The following UBE2E1 variants were observed in gnomAD, a reference collection of about 807,000 sequenced individuals.
UBE2E1 encodes the protein ubiquitin conjugating enzyme E2 E1.
UBE2E1 carries 6 observed loss-of-function variants against 21.4 expected under a neutral mutation model. That is an observed-to-expected ratio of 0.28 (90% CI 0.15 to 0.55). UBE2E1 has a LOEUF of 0.55. Among genes scored for constraint, UBE2E1 ranks in the 20% least tolerant of loss-of-function variants. The probability of loss-of-function intolerance (pLI) is 0.93; values close to 1 mark genes in which losing one functional copy is unlikely to be tolerated. For synonymous variants in UBE2E1, 87 were observed against 82.7 expected (o/e 1.05, Z -0.28); for missense variants, 142 against 236.5 (o/e 0.60, Z 2.62).
At position 23,876,220 on chromosome 3, in the gene UBE2E1, C is replaced by T. The variant is rs183314499; in HGVS notation, c.204-11347C>T. On this transcript the variant is annotated intron_variant, in intron 3 of 5. Transcript: ENST00000306627. This position sits in a 1 kb window ranked among gnomAD's most constrained non-coding sequence, Gnocchi z 4.3. ...CCTCTTCCTTTCCTCTTCCCCTCAC[C>T]TTAGGTGAGGAAGCCTTCTAACTTA... Among the ~76,000 whole-genome samples, 5 of 152,286 alleles carry T rather than the reference C, an allele frequency of 3.3e-5. No homozygotes were observed. The highest frequency in any genetic ancestry group is 3.3e-4 in the Admixed American group (5 of 15,276).
chr3:23,806,868 C>T lies in UBE2E1; in HGVS notation c.-33-369C>T, dbSNP rs576342260. The T allele has an allele frequency of 1.4e-3, 220 of 160,276 alleles. 1 individual carries two copies. The highest frequency in any genetic ancestry group is 5.1e-3 in the African/African-American group (211 of 41,746). 9.9% of individuals were successfully genotyped at this position (160,276 alleles called of 1,614,324 possible). A position where few individuals can be genotyped will look rare whatever the true frequency, so the allele number is the denominator to read the frequency against. On this transcript the variant is annotated intron_variant, in intron 1 of 5. Coordinates refer to ENST00000306627, the MANE Select transcript of UBE2E1 (RefSeq NM_003341.5). The surrounding 1 kb of genome is among the most constrained non-coding windows in gnomAD (Gnocchi z 6.5). ...CCCGGAAAGCGGACAAAAACAGCCC[C>T]GAGGCCGGCCGGCCGCCGGGACCTT...
rs781155886 is a variant in UBE2E1 at position 23,807,356 on chromosome 3, CAAG to C, written c.94_96del (p.Lys32del). The C allele has an allele frequency of 3.3e-5, 53 of 1,613,816 alleles. No homozygotes were observed. Among genetic ancestry groups the C allele is most frequent in the Non-Finnish European group, 3.8e-5 (45 of 1,179,962 alleles). On this transcript the variant is annotated inframe_deletion, in exon 2 of 6. Transcript: ENST00000306627. ...AAACCGAGAAAGAAACAAACACCCC[CAAG>C]AAGAAGGAGAGTAAAGTCAGCATGA...
rs756849789 is a variant in UBE2E1 at position 23,826,298 on chromosome 3, G to A, written c.203+14788G>A. 3.9e-5 allele frequency among the ~76,000 whole-genome samples: 6 copies of A among 152,202 alleles called. No individual in the cohort carries two copies. The South Asian group carries it at 6.2e-4, about 16-fold the overall frequency. On this transcript the variant is annotated intron_variant, in intron 3 of 5. Coordinates refer to ENST00000306627, the MANE Select transcript of UBE2E1 (RefSeq NM_003341.5). ...ATAGCATTACTCAGCTGGTCTTGAC[G>A]TAAAGGTTGGATGAAGTGTGAATGT...
chr3:23,831,638 C>G (rs1006679465), intron 3 of UBE2E1, among the ~76,000 whole-genome samples: 2 of 150,736 alleles, frequency 1.3e-5, no homozygotes, highest in Non-Finnish European at 2.9e-5. Context: ...CCCACCTTAG[C>G]CTCCTAAGTA....
chr3:23,889,550 T>C, intron 5 of UBE2E1: 2 of 1,384,206 alleles, frequency 1.4e-6, no homozygotes, highest in Non-Finnish European at 1.9e-6. Context: ...TGTTGCTTAA[T>C]TTCCCATAGA....
chr3:23,810,504 T>A lies in UBE2E1; in HGVS notation c.153-956T>A. 6.5e-7 allele frequency: 1 copy of A among 1,535,254 alleles called. No individual in the cohort carries two copies. The highest frequency in any genetic ancestry group is 8.7e-7 in the Non-Finnish European group (1 of 1,146,474). On this transcript the variant is annotated intron_variant, in intron 2 of 5. Coordinates refer to ENST00000306627, the MANE Select transcript of UBE2E1 (RefSeq NM_003341.5). The surrounding 1 kb of genome is among the most constrained non-coding windows in gnomAD (Gnocchi z 5.8). The stretch of plus-strand genomic sequence containing the variant: ...AAGGAAGTGGGCAGACCCCGGGAAG[T>A]TAGAGGACGCCCGGGGAAAAGCAGG...
At chr3:23,884,512 T>C (rs1701131270) in intron 3 of UBE2E1, among the ~76,000 whole-genome samples, 1 of 152,232 alleles carries the variant, frequency 6.6e-6, no homozygotes, top group African/African-American at 2.4e-5. Flanking sequence ...ATCGATTATT[T>C]TGATGCACAG....
At position 23,890,603 on chromosome 3, in the gene UBE2E1, A is replaced by C. The variant is rs1334403624; in HGVS notation, c.579A>C (p.Thr193=). 1 of 1,612,914 alleles carries C rather than the reference A, an allele frequency of 6.2e-7. No homozygotes were observed. The highest frequency in any genetic ancestry group is 8.5e-7 in the Non-Finnish European group (1 of 1,179,536). The change falls in exon 6 of 6, where the codon ACA becomes ACC. Residue 193 remains threonine (T), a synonymous_variant. Transcript: ENST00000306627. The part of the protein sequence containing the change: ...MARQWTKRYA[T] Reference sequence around the variant, plus strand: ...GACAGTGGACCAAGAGATACGCTACATAAATTGGGGTTTCACAATTCTTAC... The same window carrying C: ...GACAGTGGACCAAGAGATACGCTACCTAAATTGGGGTTTCACAATTCTTAC...
rs1699358804 is a variant in UBE2E1 at position 23,810,409 on chromosome 3, G to C, written c.153-1051G>C. On this transcript the variant is annotated intron_variant, in intron 2 of 5. Coordinates refer to ENST00000306627, the MANE Select transcript of UBE2E1 (RefSeq NM_003341.5). This position sits in a 1 kb window ranked among gnomAD's most constrained non-coding sequence, Gnocchi z 5.8. ...GGGATGGGGCCCTTTGTGAAGTCGAGGGTTGGTGCGGAGGGAGAAAACTGC... is the reference window on the plus strand; with the variant it reads ...GGGATGGGGCCCTTTGTGAAGTCGACGGTTGGTGCGGAGGGAGAAAACTGC... 2 of 1,533,538 alleles carry C rather than the reference G, an allele frequency of 1.3e-6. No individual in the cohort carries two copies. The highest frequency in any genetic ancestry group is 2.7e-5 in the African/African-American group (2 of 72,938). The allele number at this position is 1,533,538 out of a possible 1,614,324, so 95.0% of individuals were successfully genotyped here.
intron 3 of UBE2E1, among the ~76,000 whole-genome samples, chr3:23,871,468 G>C (rs1347305094): frequency 7.9e-5 from 12 of 151,768 alleles, no homozygotes; most frequent in Admixed American, 2.0e-4. Context: ...CGGCAGGGCA[G>C]AGGCGCCCCT....
At chr3:23,871,781 C>T (rs1419113006) in intron 3 of UBE2E1, among the ~76,000 whole-genome samples, 8 of 151,348 alleles carry the variant, frequency 5.3e-5, no homozygotes, top group African/African-American at 1.5e-4. Flanking sequence ...GATGGGCGGC[C>T]GGGCAGAGAC....
At chr3:23,868,668 TC>T (rs1369527281) in intron 3 of UBE2E1, among the ~76,000 whole-genome samples, 1 of 152,158 alleles carries the variant, frequency 6.6e-6, no homozygotes, top group African/African-American at 2.4e-5. Context: ...TTCCATCTCT[TC>T]TACCTTTATT....
At chr3:23,830,459 A>G (rs1463123486) in intron 3 of UBE2E1, among the ~76,000 whole-genome samples, 2 of 152,204 alleles carry the variant, frequency 1.3e-5, no homozygotes, top group African/African-American at 2.4e-5. Flanking sequence ...AGCTGAAGTC[A>G]TCTGTTGGAT....
intron 3 of UBE2E1, among the ~76,000 whole-genome samples, chr3:23,851,369 A>G (rs568933905): frequency 3.3e-5 from 5 of 152,154 alleles, no homozygotes; most frequent in East Asian, 3.9e-4. Flanking sequence ...TGGCTATTCT[A>G]TGTTCCTTGC....
Position 23,842,246 on chromosome 3 carries a change from TG to T in UBE2E1, c.203+30737del, listed in dbSNP as rs1163408777. 0.01 allele frequency among the ~76,000 whole-genome samples: 372 copies of T among 36,738 alleles called. 4 individuals are homozygous for T. Among genetic ancestry groups the T allele is most frequent in the African/African-American group, 0.027 (343 of 12,738 alleles). The allele number at this position is 36,738 out of a possible 152,430, so 24.1% of individuals were successfully genotyped here. ...GTGTGTGTGTGTGTGTGTGTGTGTG[TG>T]TGGTGTTGTTGTTGTTGGCGACAGG... On this transcript the variant is annotated intron_variant, in intron 3 of 5. Coordinates refer to ENST00000306627, the MANE Select transcript of UBE2E1 (RefSeq NM_003341.5). This position sits in a 1 kb window ranked among gnomAD's most constrained non-coding sequence, Gnocchi z 4.6.
chr3:23,828,471 T>C (rs1027381110), intron 3 of UBE2E1, among the ~76,000 whole-genome samples: 8 of 152,252 alleles, frequency 5.3e-5, no homozygotes, highest in African/African-American at 1.9e-4. Context: ...AATGGGATCA[T>C]TATTTGGATA....
intron 3 of UBE2E1, among the ~76,000 whole-genome samples, chr3:23,873,472 C>T (rs1020150358): frequency 2.6e-5 from 4 of 152,022 alleles, no homozygotes; most frequent in South Asian, 2.1e-4. Context: ...GGCAGTCGGG[C>T]GCGGTGGCTC....
At chr3:23,811,794 G>A (rs74792451) in intron 3 of UBE2E1, among the ~76,000 whole-genome samples, 6,147 of 152,264 alleles carry the variant, frequency 0.04, 196 homozygotes, top group East Asian at 0.18. Flanking sequence ...CTAATCATGG[G>A]TCTTTGATAT....
At chr3:23,847,488 A>ATTTTT (rs71057627) in intron 3 of UBE2E1, among the ~76,000 whole-genome samples, 23 of 96,124 alleles carry the variant, frequency 2.4e-4, no homozygotes, top group Non-Finnish European at 2.8e-4. Flanking sequence ...TGTACTTTAA[A>ATTTTT]TTTTTTTTTT....
Sources: gnomAD v4.1 joint callset for allele counts (sites outside exome capture counted in the v4.1 genomes callset) on GRCh38, gnomAD v4.1.1 for gene constraint, Gnocchi (gnomAD v3.1) non-coding constraint, MANE v1.5 for transcripts, NCBI Gene and HGNC (gene_info 2026-07-23, HGNC 2026-07-21) for gene names.